The following PRKCE variants were observed in gnomAD, a reference collection of about 807,000 sequenced individuals.
PRKCE encodes protein kinase C epsilon, also known as protein kinase C epsilon type.
A neutral mutation model predicts 85.4 loss-of-function variants in PRKCE; 16 were observed. That is an observed-to-expected ratio of 0.19 (90% CI 0.13 to 0.28). The LOEUF (loss-of-function observed/expected upper bound fraction) is 0.28. Among genes scored for constraint, PRKCE ranks in the 10% least tolerant of loss-of-function variants. The pLI is 1.00. For synonymous variants in PRKCE, 388 were observed against 371.5 expected (o/e 1.04, Z -0.51); for missense variants, 573 against 975.2 (o/e 0.59, Z 5.49).
intron 1 of PRKCE, among the ~76,000 whole-genome samples, chr2:45,734,179 A>G (rs1213213747): frequency 6.6e-6 from 1 of 152,202 alleles, no homozygotes; most frequent in East Asian, 1.9e-4. Context: ...ATCCTGGCCA[A>G]CATGGTGAAA....
Position 45,937,637 on chromosome 2 carries a change from C to G in PRKCE, c.413-38792C>G, listed in dbSNP as rs1055316100. Among the ~76,000 whole-genome samples, 17 of 152,188 alleles carry G rather than the reference C, an allele frequency of 1.1e-4. No individual in the cohort carries two copies. In the South Asian group the frequency reaches 1.2e-3, roughly 11 times the overall value. ...GGCTGAGGCAGGAAAATGGTGTGAA[C>G]CCAGGAGGTGGAGCTTGTAGTGAGC... On this transcript the variant is annotated intron_variant, in intron 2 of 14. Coordinates refer to ENST00000306156, the MANE Select transcript of PRKCE (RefSeq NM_005400.3).
intron 11 of PRKCE, among the ~76,000 whole-genome samples, chr2:46,098,182 C>T (rs1670885633): frequency 6.6e-6 from 1 of 152,112 alleles, no homozygotes; most frequent in South Asian, 2.1e-4. Context: ...ACTGAGAACC[C>T]ATTATAGTGG....
chr2:46,058,042 C>G (rs768813811), intron 10 of PRKCE, among the ~76,000 whole-genome samples: 1 of 151,856 alleles, frequency 6.6e-6, no homozygotes, highest in Non-Finnish European at 1.5e-5. Context: ...TCTGCCCTCA[C>G]TTTCCAATTT....
chr2:46,062,415 CCCTT>C (rs1667231572), intron 10 of PRKCE, among the ~76,000 whole-genome samples: 3 of 152,032 alleles, frequency 2.0e-5, no homozygotes, highest in Non-Finnish European at 4.4e-5. Flanking sequence ...CAAAGTGTGC[CCCTT>C]AGGAAGCCAT....
At chr2:45,994,013 G>C (rs913280498) in intron 6 of PRKCE, among the ~76,000 whole-genome samples, 4 of 152,058 alleles carry the variant, frequency 2.6e-5, no homozygotes, top group African/African-American at 7.2e-5. Flanking sequence ...GGCTGGTCTG[G>C]GGGGGCTCTC....
intron 12 of PRKCE, among the ~76,000 whole-genome samples, chr2:46,146,265 A>C (rs1676058952): frequency 6.6e-6 from 1 of 152,280 alleles, no homozygotes; most frequent in South Asian, 2.1e-4. Flanking sequence ...CATGTAAGAT[A>C]GGAAAGAAGT....
rs749879567 is a variant in PRKCE, at chr2:46,184,933, G to C, written c.*52G>C. The C allele has an allele frequency of 2.1e-5, 33 of 1,594,368 alleles. No homozygotes were observed. In the South Asian group the frequency reaches 2.7e-4, roughly 13 times the overall value. The stretch of plus-strand genomic sequence containing the variant: ...ATGCTGCAAGAAGGGGTGCAGAGAA[G>C]ACTCCTGTGTTGGAGACACTCAGCA... On this transcript the variant is annotated 3_prime_UTR_variant, in exon 15 of 15. Coordinates refer to ENST00000306156, the MANE Select transcript of PRKCE (RefSeq NM_005400.3). The surrounding 1 kb of genome is among the most constrained non-coding windows in gnomAD (Gnocchi z 5.0).
intron 1 of PRKCE, among the ~76,000 whole-genome samples, chr2:45,659,962 C>T (rs1675562189): frequency 6.6e-6 from 1 of 151,752 alleles, no homozygotes; most frequent in African/African-American, 2.4e-5. Context: ...GCTTTTTGTT[C>T]ACCGCTTTAT....
intron 10 of PRKCE, among the ~76,000 whole-genome samples, chr2:46,056,776 A>T (rs966775994): frequency 6.6e-6 from 1 of 152,166 alleles, no homozygotes; most frequent in Admixed American, 6.5e-5. Flanking sequence ...TCTTAAAGAG[A>T]GCCTTCAAAC....
intron 1 of PRKCE, among the ~76,000 whole-genome samples, chr2:45,676,336 G>C (rs1001077535): frequency 6.6e-6 from 1 of 152,234 alleles, no homozygotes; most frequent in Admixed American, 6.5e-5. Flanking sequence ...AGTGATTGAA[G>C]TGTTGCTGTG....
intron 1 of PRKCE, among the ~76,000 whole-genome samples, chr2:45,731,375 T>C (rs1681560530): frequency 6.6e-6 from 1 of 152,182 alleles, no homozygotes; most frequent in South Asian, 2.1e-4. Context: ...GATGTATAAA[T>C]GTCTGGCCTG....
intron 10 of PRKCE, among the ~76,000 whole-genome samples, chr2:46,059,242 C>T (rs538141795): frequency 1.3e-5 from 2 of 151,598 alleles, no homozygotes; most frequent in Admixed American, 6.6e-5. Context: ...GAGCCATGAT[C>T]GCGCCGTTGC....
intron 1 of PRKCE, among the ~76,000 whole-genome samples, chr2:45,704,976 G>A (rs1215332748): frequency 6.6e-6 from 1 of 152,146 alleles, no homozygotes; most frequent in Admixed American, 6.5e-5. Flanking sequence ...CATCTATCAG[G>A]AGGGGAGCCT....
intron 1 of PRKCE, among the ~76,000 whole-genome samples, chr2:45,664,125 C>A (rs1181800979): frequency 6.6e-6 from 1 of 152,170 alleles, no homozygotes; most frequent in African/African-American, 2.4e-5. Flanking sequence ...ATCTCACATG[C>A]TGCATTTCCA....
At chr2:45,656,308 G>C (rs953633073) in intron 1 of PRKCE, among the ~76,000 whole-genome samples, 4 of 152,182 alleles carry the variant, frequency 2.6e-5, no homozygotes, top group Admixed American at 2.6e-4. Context: ...AAGTGCCTCT[G>C]AACATCATTA....
At chr2:45,766,381 A>G (rs572780504) in intron 1 of PRKCE, among the ~76,000 whole-genome samples, 1 of 152,130 alleles carries the variant, frequency 6.6e-6, no homozygotes, top group Non-Finnish European at 1.5e-5. Context: ...TACTTTCTCA[A>G]TCCAGTAAGA....
In PRKCE at chr2:46,044,474, C is replaced by T. The variant is rs577520521; in HGVS notation, c.1437+33957C>T. 2.0e-5 allele frequency among the ~76,000 whole-genome samples: 3 copies of T among 152,280 alleles called. No individual in the cohort carries two copies. The East Asian group carries it at 5.8e-4, about 29-fold the overall frequency. ...CACTTAATTTTTGGCTGGGGACATT[C>T]ATGTAATAAATACGCTTGTATTTAA... On this transcript the variant is annotated intron_variant, in intron 10 of 14. Coordinates refer to ENST00000306156, the MANE Select transcript of PRKCE (RefSeq NM_005400.3).
intron 3 of PRKCE, among the ~76,000 whole-genome samples, 166 bp downstream of exon 3, chr2:45,976,754 C>A (rs1369648955): frequency 6.6e-6 from 1 of 152,104 alleles, no homozygotes; most frequent in Non-Finnish European, 1.5e-5. Flanking sequence ...GTGTTTGGTA[C>A]ATAGGGGGAA....
intron 1 of PRKCE, chr2:45,840,606 CCCT>C (rs1428329350): frequency 6.6e-6 from 1 of 152,216 alleles, no homozygotes; most frequent in Non-Finnish European, 1.5e-5. Flanking sequence ...TCGTGGCACT[CCCT>C]CACTCCTGTG....
Sources: gnomAD v4.1 joint callset for allele counts (sites outside exome capture counted in the v4.1 genomes callset) on GRCh38, gnomAD v4.1.1 for gene constraint, Gnocchi (gnomAD v3.1) non-coding constraint, MANE v1.5 for transcripts, NCBI Gene and HGNC (gene_info 2026-07-23, HGNC 2026-07-21) for gene names.